The following ARHGAP27 variants were observed in gnomAD, a reference collection of about 807,000 sequenced individuals.
The protein encoded by ARHGAP27 is rho GTPase-activating protein 27.
Under a neutral mutation model 102.0 loss-of-function variants are expected in ARHGAP27, and 53 were observed. The observed-to-expected ratio is 0.52, with a 90% CI of 0.42 to 0.65. The LOEUF (loss-of-function observed/expected upper bound fraction) is 0.65. Among genes scored for constraint, ARHGAP27 ranks in the 30% least tolerant of loss-of-function variants. The pLI is 0.00. For synonymous variants in ARHGAP27, 525 were observed against 542.8 expected, an observed-to-expected ratio of 0.97 and a Z score of 0.46; for missense variants, 1,117 against 1,256.2, an observed-to-expected ratio of 0.89 and a Z score of 1.68.
chr17:45,404,966 C>G lies in ARHGAP27; in HGVS notation c.1206G>C (p.Gln402His). ...TPPGWSCHVS[Q>H]DKQMLYTNHF... ...GGTTGGTGTAGAGCATCTGCTTGTC[C>G]TGGCTGACATGACAAGACCAGCCGG... Residue 402 changes from glutamine to histidine, a missense_variant, in exon 6 of 20, where the codon CAG becomes CAC. This residue lies in a region of ARHGAP27 where 610 missense variants were observed against 716.4 expected (regional missense o/e 0.85). Coordinates refer to ENST00000685559, the MANE Select transcript of ARHGAP27 (RefSeq NM_001282290.2). The G allele has an allele frequency of 6.2e-7, 1 of 1,614,130 alleles. No individual in the cohort carries two copies. Among genetic ancestry groups the G allele is most frequent in the Non-Finnish European group, 8.5e-7 (1 of 1,180,010 alleles).
At chr17:45,396,397 C>T in intron 16 of ARHGAP27, 90 bp downstream of exon 16, 1 of 1,460,024 alleles carries the variant, frequency 6.8e-7, no homozygotes, top group Non-Finnish European at 9.1e-7. Flanking sequence ...CTGGACCCTG[C>T]GTCCATCCAG....
At position 45,405,091 on chromosome 17, in the gene ARHGAP27, T is replaced by G; in HGVS notation, c.1081A>C (p.Thr361Pro). 6.3e-7 allele frequency: 1 copy of G among 1,585,486 alleles called. No homozygotes were observed. Residue 361 changes from threonine (T) to proline (P), a missense_variant, in exon 6 of 20, where the codon ACG becomes CCG. By Grantham distance (38) the Thr-to-Pro change is conservative. Transcript: ENST00000685559. Reference sequence around the variant, plus strand: ...CTGGTCAGCGACTCGGGGTAGTCCGTCTCGGGAGTGGGGGGCTGCGGGGAA... The same window carrying G: ...CTGGTCAGCGACTCGGGGTAGTCCGGCTCGGGAGTGGGGGGCTGCGGGGAA... Reference protein sequence around the residue: ...PGDPRPPTPETDYPESLTSYP... With the variant: ...PGDPRPPTPEPDYPESLTSYP...
At chr17:45,423,039 G>A (rs751986460) in intron 4 of ARHGAP27, among the ~76,000 whole-genome samples, 9 of 152,042 alleles carry the variant, frequency 5.9e-5, no homozygotes, top group African/African-American at 1.7e-4. Context: ...AAATTAGCCC[G>A]GTGTGGTGGC....
chr17:45,396,613 C>T (rs1165017479), intron 15 of ARHGAP27, 28 bp from the exon 16 acceptor site: 1 of 1,610,458 alleles, frequency 6.2e-7, no homozygotes, highest in Non-Finnish European at 8.5e-7. Context: ...CAGCTCCTGC[C>T]CAGCCTGCGC....
chr17:45,422,132 C>T (rs2049089718), intron 4 of ARHGAP27, among the ~76,000 whole-genome samples: 1 of 152,028 alleles, frequency 6.6e-6, no homozygotes. Flanking sequence ...CACCACTGCA[C>T]ACCAGCCTGA....
chr17:45,410,355 A>C (rs1208309479), intron 4 of ARHGAP27: 3 of 1,404,540 alleles, frequency 2.1e-6, no homozygotes, highest in Admixed American at 3.2e-5. Context: ...CAGGGGCACT[A>C]CCCCAGTGCT....
chr17:45,399,605 GAAAAGA>G, intron 12 of ARHGAP27, among the ~76,000 whole-genome samples: 1 of 151,790 alleles, frequency 6.6e-6, no homozygotes, highest in Non-Finnish European at 1.5e-5. Context: ...GAAAAGAAAA[GAAAAGA>G]AAAGAAAAGA....
chr17:45,404,291 G>A lies in ARHGAP27; in HGVS notation c.1457C>T (p.Ser486Phe), dbSNP rs2046849132. The A allele has an allele frequency of 1.2e-6, 2 of 1,613,906 alleles. No homozygotes were observed. Among genetic ancestry groups the A allele is most frequent in the Middle Eastern group, 1.6e-4 (1 of 6,082 alleles). Reference protein sequence around the residue: ...LDEVGSWEEVSPATAAVRTKT... With the variant: ...LDEVGSWEEVFPATAAVRTKT... ...TACCCTCACAGCAGCTGTGGCAGGA[G>A]AGACTTCCTCCCAGCTCCCAACCTC... Residue 486 changes from serine to phenylalanine, a missense_variant, in exon 9 of 20, where the codon TCT becomes TTT. This residue lies in a region of ARHGAP27 where 610 missense variants were observed against 716.4 expected (regional missense o/e 0.85). Coordinates refer to ENST00000685559, the MANE Select transcript of ARHGAP27 (RefSeq NM_001282290.2).
chr17:45,418,812 G>C (rs2048737816), intron 4 of ARHGAP27, among the ~76,000 whole-genome samples: 1 of 152,134 alleles, frequency 6.6e-6, no homozygotes, highest in Admixed American at 6.5e-5. Context: ...GGTGGCTTTT[G>C]TACCCTTGAG....
intron 4 of ARHGAP27, among the ~76,000 whole-genome samples, chr17:45,421,576 T>C (rs2049041468): frequency 6.6e-6 from 1 of 152,226 alleles, no homozygotes; most frequent in Non-Finnish European, 1.5e-5. Flanking sequence ...TGACAGGTTC[T>C]GTAAGCTCCA....
At chr17:45,414,612 A>ATT (rs34746481) in intron 4 of ARHGAP27, among the ~76,000 whole-genome samples, 4,240 of 130,260 alleles carry the variant, frequency 0.033, 233 homozygotes, top group African/African-American at 0.12. Context: ...CGCCCGGCTA[A>ATT]TTTTTTTTTT....
chr17:45,429,564 G>C (rs1457949389), intron 4 of ARHGAP27, 59 bp downstream of exon 4: 2 of 1,573,096 alleles, frequency 1.3e-6, no homozygotes, highest in South Asian at 1.1e-5. Context: ...CCCCGGCTCC[G>C]TGCGGGCGCG....
chr17:45,397,391 G>T, intron 13 of ARHGAP27: 1 of 871,960 alleles, frequency 1.1e-6, no homozygotes, highest in Admixed American at 4.6e-5. Context: ...TCCAGCTGTG[G>T]CCGGAGCACT....
chr17:45,403,580 GC>G, intron 11 of ARHGAP27, 38 bp downstream of exon 11: 2 of 1,461,370 alleles, frequency 1.4e-6, no homozygotes, highest in Non-Finnish European at 1.9e-6. Context: ...ATAAAAAAAA[GC>G]AGATGGGATG....
intron 4 of ARHGAP27, among the ~76,000 whole-genome samples, chr17:45,413,143 C>A (rs2048096724): frequency 6.6e-6 from 1 of 151,506 alleles, no homozygotes. Flanking sequence ...CCATGCCCAG[C>A]TAATTTTTGT....
At position 45,396,023 on chromosome 17, in the gene ARHGAP27, G is replaced by A. The variant is rs763310549; in HGVS notation, c.2346C>T (p.Leu782=). 1.2e-5 allele frequency: 19 copies of A among 1,613,734 alleles called. 1 individual carries two copies. The South Asian group carries it at 2.1e-4, about 18-fold the overall frequency. Residue 782 remains leucine (L), a synonymous_variant, in exon 18 of 20, where the codon CTC becomes CTT. Coordinates refer to ENST00000685559, the MANE Select transcript of ARHGAP27 (RefSeq NM_001282290.2). The stretch of plus-strand genomic sequence containing the variant: ...ACTGGCGGAAGTGCGAGAAGGGGAA[G>A]AGGGGCTCGGGCAGCTCCCGAAAGA... ...KLFFRELPEP[L]FPFSHFRQFI... is the part of the protein sequence containing the mutation.
chr17:45,396,650 C>T lies in ARHGAP27; in HGVS notation c.2074+18G>A. The T allele has an allele frequency of 6.2e-7, 1 of 1,613,132 alleles. No individual in the cohort carries two copies. Among genetic ancestry groups the T allele is most frequent in the Non-Finnish European group, 8.5e-7 (1 of 1,179,364 alleles). ...CCGTCCCGGTCCCGGGTCCCCGCCC[C>T]CCGCAGGCCTCGGGTACCTTTGATG... On this transcript the variant is annotated intron_variant, in intron 15 of 19. Coordinates refer to ENST00000685559, the MANE Select transcript of ARHGAP27 (RefSeq NM_001282290.2).
rs1188898452 is a variant in ARHGAP27, at chr17:45,432,833, A to G, written c.-366T>C. The G allele has an allele frequency of 6.5e-6, 1 of 152,996 alleles. No homozygotes were observed. The highest frequency in any genetic ancestry group is 6.5e-5 in the Admixed American group (1 of 15,284). The allele number at this position is 152,996 out of a possible 1,614,324, so 9.5% of individuals were successfully genotyped here. ...CTCGGCGTCCCGCGCTCCCTCCTCG[A>G]CTGTGCGGCTCCCGCGCTGCCGGGT... On this transcript the variant is annotated 5_prime_UTR_variant, in exon 1 of 20. Transcript: ENST00000685559.
At chr17:45,403,287 C>T (rs964573057) in intron 11 of ARHGAP27, among the ~76,000 whole-genome samples, 1 of 152,198 alleles carries the variant, frequency 6.6e-6, no homozygotes, top group African/African-American at 2.4e-5. Context: ...GGGCTGGGCA[C>T]AGTGGCTCAC....
Sources: gnomAD v4.1 joint callset for allele counts (sites outside exome capture counted in the v4.1 genomes callset) on GRCh38, gnomAD v4.1.1 for gene constraint, gnomAD v4.1.1 regional missense constraint, MANE v1.5 for transcripts, NCBI Gene and HGNC (gene_info 2026-07-23, HGNC 2026-07-21) for gene names.